PIP5K1B: variants seen among roughly 807,000 people sequenced by gnomAD.
PIP5K1B encodes phosphatidylinositol 4-phosphate 5-kinase type-1 beta.
Under a neutral mutation model 67.0 loss-of-function variants are expected in PIP5K1B, and 42 were observed. That is an observed-to-expected ratio of 0.63 (90% CI 0.49 to 0.81). The LOEUF is 0.81. Ranked by LOEUF, PIP5K1B falls within the 30% of genes least tolerant of loss-of-function variation. PIP5K1B has a pLI of 0.00. For missense variants in PIP5K1B, 459 were observed against 646.3 expected (o/e 0.71, Z 3.14); for synonymous variants, 214 against 231.4 (o/e 0.92, Z 0.68).
chr9:68,805,689 G>T (rs769674666), intron 2 of PIP5K1B, among the ~76,000 whole-genome samples: 1 of 152,162 alleles, frequency 6.6e-6, no homozygotes, highest in Non-Finnish European at 1.5e-5. Context: ...TCACATTAGG[G>T]TGTGGCTCTC....
intron 14 of PIP5K1B, among the ~76,000 whole-genome samples, chr9:68,951,674 G>T (rs1271326678): frequency 6.6e-6 from 1 of 152,152 alleles, no homozygotes; most frequent in Non-Finnish European, 1.5e-5. Flanking sequence ...TGGCCATCAT[G>T]TCATCCAGCC....
At chr9:68,836,802 A>C (rs1488047645) in intron 4 of PIP5K1B, among the ~76,000 whole-genome samples, 1 of 152,238 alleles carries the variant, frequency 6.6e-6, no homozygotes, top group Admixed American at 6.5e-5. Flanking sequence ...ACCAGAAGCC[A>C]GGTGGCCATG....
intron 2 of PIP5K1B, among the ~76,000 whole-genome samples, chr9:68,754,318 C>T (rs11143615): frequency 6.6e-6 from 1 of 151,392 alleles, no homozygotes; most frequent in African/African-American, 2.4e-5. Context: ...TACAGGCGCC[C>T]GCCACCATGC....
intron 2 of PIP5K1B, among the ~76,000 whole-genome samples, chr9:68,800,170 G>A (rs985056080): frequency 2.6e-5 from 4 of 152,324 alleles, no homozygotes; most frequent in South Asian, 2.1e-4. Context: ...TGGTGAAGGG[G>A]CTGGTGGAGA....
At chr9:68,867,711 T>TA (rs763569959) in intron 5 of PIP5K1B, among the ~76,000 whole-genome samples, 6 of 152,204 alleles carry the variant, frequency 3.9e-5, no homozygotes, top group Non-Finnish European at 8.8e-5. Flanking sequence ...TAAACTTCAA[T>TA]AAATCAGTCA....
rs576485255 is a variant in PIP5K1B, at chr9:68,837,776, A to G, written c.69+15093A>G. ...CCCATGGTATTCTTAATTTTCAAAAATTTCTTAGTGATGTTTTTACATTTT... is the reference window on the plus strand; with the variant it reads ...CCCATGGTATTCTTAATTTTCAAAAGTTTCTTAGTGATGTTTTTACATTTT... On this transcript the variant is annotated intron_variant, in intron 4 of 15. Coordinates refer to ENST00000265382, the MANE Select transcript of PIP5K1B (RefSeq NM_003558.4). Among the ~76,000 whole-genome samples, 4 of 151,882 alleles carry G rather than the reference A, an allele frequency of 2.6e-5. No homozygotes were observed. The East Asian group carries it at 7.7e-4, about 29-fold the overall frequency.
At chr9:68,706,484 T>C (rs1827132477) in intron 1 of PIP5K1B, among the ~76,000 whole-genome samples, 1 of 152,204 alleles carries the variant, frequency 6.6e-6, no homozygotes, top group South Asian at 2.1e-4. Context: ...CCCAGCTCTC[T>C]TGTCTGGTGC....
At chr9:68,847,806 A>G (rs1195831363) in intron 4 of PIP5K1B, among the ~76,000 whole-genome samples, 1 of 152,192 alleles carries the variant, frequency 6.6e-6, no homozygotes, top group Non-Finnish European at 1.5e-5. Flanking sequence ...TGCCAGTCAA[A>G]GGAGAATGCA....
chr9:68,807,593 G>A (rs572766588), intron 2 of PIP5K1B, among the ~76,000 whole-genome samples: 75 of 152,286 alleles, frequency 4.9e-4, no homozygotes, highest in African/African-American at 1.7e-3. Flanking sequence ...TTTCTCAATA[G>A]AAAATGACAT....
At chr9:68,780,941 G>GA in intron 2 of PIP5K1B, 1 of 1,614,066 alleles carries the variant, frequency 6.2e-7, no homozygotes, top group Non-Finnish European at 8.5e-7. Context: ...ACTCACCAGC[G>GA]AAAGTCAGCA....
intron 14 of PIP5K1B, among the ~76,000 whole-genome samples, chr9:68,966,352 TAGAGA>T (rs1564278048): frequency 6.6e-6 from 1 of 152,168 alleles, no homozygotes; most frequent in Non-Finnish European, 1.5e-5. Context: ...ACCTTTGCAG[TAGAGA>T]AGCCTGGTAA....
chr9:68,992,507 A>G (rs1716125682), intron 15 of PIP5K1B, among the ~76,000 whole-genome samples: 2 of 152,108 alleles, frequency 1.3e-5, no homozygotes, highest in African/African-American at 2.4e-5. Flanking sequence ...GCAGGGCATC[A>G]GTCACCTAAG....
intron 4 of PIP5K1B, among the ~76,000 whole-genome samples, chr9:68,830,730 C>T (rs1834267668): frequency 6.6e-6 from 1 of 152,208 alleles, no homozygotes; most frequent in South Asian, 2.1e-4. Context: ...GTGTGAATGG[C>T]AGGCGAGGAG....
intron 2 of PIP5K1B, among the ~76,000 whole-genome samples, chr9:68,817,542 G>A (rs1040809191): frequency 1.3e-5 from 2 of 152,076 alleles, no homozygotes; most frequent in East Asian, 1.9e-4. Context: ...GTGAATATAT[G>A]CAGTTATTTT....
chr9:68,961,729 G>T (rs1828759465), intron 14 of PIP5K1B, among the ~76,000 whole-genome samples: 1 of 152,176 alleles, frequency 6.6e-6, no homozygotes, highest in Non-Finnish European at 1.5e-5. Flanking sequence ...TGGCAGGCTA[G>T]TACCCTCCTT....
chr9:68,826,812 C>CA (rs1834010613), intron 4 of PIP5K1B, among the ~76,000 whole-genome samples: 1 of 152,162 alleles, frequency 6.6e-6, no homozygotes, highest in Admixed American at 6.5e-5. Context: ...AGTGCAGTGG[C>CA]ACAATCTTGG....
chr9:68,913,606 T>G (rs940974810), intron 8 of PIP5K1B, among the ~76,000 whole-genome samples: 18 of 152,218 alleles, frequency 1.2e-4, no homozygotes, highest in African/African-American at 9.7e-5. Flanking sequence ...TATACATTTC[T>G]CTTTTTGTTC....
At chr9:68,940,912 T>C (rs1467491071) in intron 14 of PIP5K1B, 122 bp downstream of exon 14, 2 of 898,058 alleles carry the variant, frequency 2.2e-6, no homozygotes, top group African/African-American at 1.6e-5. Context: ...ATCTGCCTCA[T>C]AGGTCGGAGA....
At chr9:68,931,630 G>T (rs1005543118) in intron 12 of PIP5K1B, among the ~76,000 whole-genome samples, 1 of 152,224 alleles carries the variant, frequency 6.6e-6, no homozygotes, top group Non-Finnish European at 1.5e-5. Context: ...AGTTCATTAA[G>T]AAGAGAGACA....
Sources: gnomAD v4.1 joint callset for allele counts (sites outside exome capture counted in the v4.1 genomes callset) on GRCh38, gnomAD v4.1.1 for gene constraint, MANE v1.5 for transcripts, NCBI Gene and HGNC (gene_info 2026-07-23, HGNC 2026-07-21) for gene names.